Variants in MAGEB5 observed in about 807,000 individuals in gnomAD.
The protein encoded by MAGEB5 is melanoma-associated antigen B5.
For missense variants in MAGEB5, 189 were observed against 197.1 expected (o/e 0.96, Z 0.25); for synonymous variants, 70 against 75.0 (o/e 0.93, Z 0.34).
chrX:26,218,063 C>T lies in MAGEB5; in HGVS notation c.762C>T (p.Asn254=). Residue 254 remains asparagine (N), a synonymous_variant, in exon 2 of 2, where the codon AAC becomes AAT. Coordinates refer to ENST00000602297, the MANE Select transcript of MAGEB5 (RefSeq NM_001271752.1). ...GCCCAAGCCAGAGATGCAGCCGAAA[C>T]TGGCACTACTGCAGTGGCCAAGACT... ...EESPSQRCSR[N]WHYCSGQDCL... is the part of the protein sequence containing the mutation. The T allele has an allele frequency of 8.6e-7, 1 of 1,169,301 alleles. No homozygotes were observed. The highest frequency in any genetic ancestry group is 3.2e-5 in the East Asian group (1 of 30,939).
chrX:26,217,684 C>T lies in MAGEB5; in HGVS notation c.383C>T (p.Pro128Leu), dbSNP rs1569260795. Residue 128 changes from proline (P) to leucine (L), a missense_variant, in exon 2 of 2, where the codon CCC (proline) becomes CTC (leucine). Physicochemically the swap from Pro to Leu is moderately conservative, Grantham distance 98. Coordinates refer to ENST00000602297, the MANE Select transcript of MAGEB5 (RefSeq NM_001271752.1). ...NGRIHVGKVLPKTGLLMTFLV... is the reference protein window; with the variant it reads ...NGRIHVGKVLLKTGLLMTFLV... ...AGGATTCATGTTGGCAAAGTGTTAC[C>T]CAAGACTGGTCTCCTCATGACTTTC... The T allele has an allele frequency of 1.7e-6, 2 of 1,166,176 alleles. No individual in the cohort carries two copies. Among genetic ancestry groups the T allele is most frequent in the East Asian group, 6.5e-5 (2 of 30,751 alleles).
Position 26,218,000 on chromosome X carries a change from A to T in MAGEB5, c.699A>T (p.Ser233=). 1 of 1,192,327 alleles carries T rather than the reference A, an allele frequency of 8.4e-7. No homozygotes were observed. Among genetic ancestry groups the T allele is most frequent in the Non-Finnish European group, 1.1e-6 (1 of 885,383 alleles). ...KVNDIAPGAF[S]SQYEEALQDE... ...ATGATATTGCTCCAGGTGCCTTCTC[A>T]TCACAATATGAAGAGGCTTTGCAAG... Residue 233 remains serine (S), a synonymous_variant, in exon 2 of 2, where the codon TCA becomes TCT. Transcript: ENST00000602297.
intron 1 of MAGEB5, among the ~76,000 whole-genome samples, chrX:26,216,877 G>C (rs759001790): frequency 8.9e-6 from 1 of 112,465 alleles, no homozygotes; most frequent in Non-Finnish European, 1.9e-5. Context: ...TCCTCCAAAG[G>C]TTTCCCAAGG....
rs1401696762 is a variant in MAGEB5 at position 26,218,182 on chromosome X, T to A, written c.*53T>A. 1.2e-6 allele frequency: 1 copy of A among 815,341 alleles called. No individual in the cohort carries two copies. The highest frequency in any genetic ancestry group is 1.6e-6 in the Non-Finnish European group (1 of 610,095). The allele number at this position is 815,341 out of a possible 1,213,427, so 67.2% of individuals were successfully genotyped here. A position where few individuals can be genotyped will look rare whatever the true frequency, so the allele number is the denominator to read the frequency against. ...GCAAATATAACATCACCAAAAGGGA[T>A]TTTTTTTGGAAATACAAAAGAACCC... On this transcript the variant is annotated 3_prime_UTR_variant, in exon 2 of 2. Coordinates refer to ENST00000602297, the MANE Select transcript of MAGEB5 (RefSeq NM_001271752.1).
Position 26,218,170 on chromosome X carries a change from C to T in MAGEB5, c.*41C>T. The T allele has an allele frequency of 2.2e-6, 2 of 903,909 alleles. No individual in the cohort carries two copies. Among genetic ancestry groups the T allele is most frequent in the African/African-American group, 4.0e-5 (2 of 50,064 alleles). The allele number at this position is 903,909 out of a possible 1,213,427, so 74.5% of individuals were successfully genotyped here. ...TCATCCAGTCAAGCAAATATAACAT[C>T]ACCAAAAGGGATTTTTTTTGGAAAT... On this transcript the variant is annotated 3_prime_UTR_variant, in exon 2 of 2. Coordinates refer to ENST00000602297, the MANE Select transcript of MAGEB5 (RefSeq NM_001271752.1).
Position 26,217,493 on chromosome X carries a change from A to G in MAGEB5, c.192A>G (p.Glu64=). 1 of 1,166,138 alleles carries G rather than the reference A, an allele frequency of 8.6e-7. No individual in the cohort carries two copies. The highest frequency in any genetic ancestry group is 1.1e-6 in the Non-Finnish European group (1 of 872,787). The change falls in exon 2 of 2, where the codon GAA becomes GAG. Residue 64 remains glutamate (E), a synonymous_variant. Coordinates refer to ENST00000602297, the MANE Select transcript of MAGEB5 (RefSeq NM_001271752.1). Reference sequence around the variant, plus strand: ...AAATGAAACAGCGTATTTTGAAGGAAGATATGCTGAAGATTGTCAACCCAA... The same window carrying G: ...AAATGAAACAGCGTATTTTGAAGGAGGATATGCTGAAGATTGTCAACCCAA... ...KFKMKQRILK[E]DMLKIVNPRY... is the part of the protein sequence containing the mutation.
At position 26,217,325 on chromosome X, in the gene MAGEB5, T is replaced by A; in HGVS notation, c.24T>A (p.Asn8Lys). 2 of 1,152,094 alleles carry A rather than the reference T, an allele frequency of 1.7e-6. No homozygotes were observed. Among genetic ancestry groups the A allele is most frequent in the South Asian group, 4.0e-5 (2 of 49,577 alleles). The allele number at this position is 1,152,094 out of a possible 1,213,427, so 94.9% of individuals were successfully genotyped here. ...CCATGACTTCTGCAGGTGTTTTTAATGCAGGATCTGACGAAAGGGCTAACA... is the reference window on the plus strand; with the variant it reads ...CCATGACTTCTGCAGGTGTTTTTAAAGCAGGATCTGACGAAAGGGCTAACA... Reference protein sequence around the residue: MTSAGVFNAGSDERANSR... With the variant: MTSAGVFKAGSDERANSR... The change falls in exon 2 of 2, where the codon AAT (asparagine) becomes AAA (lysine). Residue 8 changes from asparagine (N) to lysine (K), a missense_variant. Transcript: ENST00000602297.
rs1929475172 is a variant in MAGEB5, at chrX:26,217,962, T to C, written c.661T>C (p.Leu221=). The part of the protein sequence containing the change: ...ETSKMKVLEY[L]AKVNDIAPGA... ...CAGCAAGATGAAAGTCCTGGAATAT[T>C]TGGCCAAGGTCAATGATATTGCTCC... The change falls in exon 2 of 2, where the codon TTG becomes CTG. Residue 221 remains leucine, a synonymous_variant. Transcript: ENST00000602297. 6 of 1,204,098 alleles carry C rather than the reference T, an allele frequency of 5.0e-6. No homozygotes were observed. Among genetic ancestry groups the C allele is most frequent in the African/African-American group, 1.8e-5 (1 of 57,016 alleles).
chrX:26,218,270 C>T lies in MAGEB5; in HGVS notation c.*141C>T, dbSNP rs1361151936. On this transcript the variant is annotated 3_prime_UTR_variant, in exon 2 of 2. Transcript: ENST00000602297. ...AATAAAACATGATCTTGGTTTTCTT[C>T]ATTCCTTTCAGTCTTTTGTTTTATA... The T allele has an allele frequency of 7.4e-6, 3 of 407,552 alleles. No homozygotes were observed. The highest frequency in any genetic ancestry group is 1.2e-5 in the Non-Finnish European group (3 of 244,098). 33.6% of individuals were successfully genotyped at this position (407,552 alleles called of 1,213,427 possible).
At position 26,217,290 on chromosome X, in the gene MAGEB5, G is replaced by C; in HGVS notation, c.-12G>C. 3.6e-6 allele frequency: 4 copies of C among 1,121,031 alleles called. No individual in the cohort carries two copies. The highest frequency in any genetic ancestry group is 4.7e-6 in the Non-Finnish European group (4 of 849,321). 92.4% of individuals were successfully genotyped at this position (1,121,031 alleles called of 1,213,427 possible). On this transcript the variant is annotated 5_prime_UTR_variant, in exon 2 of 2. Transcript: ENST00000602297. ...AAGTGGCACTTCCCAGGAGCCTTGC[G>C]AATCCAGCACCATGACTTCTGCAGG...
Position 26,217,725 on chromosome X carries a change from CT to C in MAGEB5, c.425del (p.Leu142ArgfsTer17), listed in dbSNP as rs1929470869. ...CATGACTTTCCTGGTTGTGATCTTCCTGAAAGGCAACTGTGCCAACAAGGAA... is the reference window on the plus strand; with the variant it reads ...CATGACTTTCCTGGTTGTGATCTTCCGAAAGGCAACTGTGCCAACAAGGAA... ...LLMTFLVVIF[L>X]KGNCANKEDT... On this transcript the variant is annotated frameshift_variant, in exon 2 of 2. Transcript: ENST00000602297. LOFTEE classifies it low-confidence loss of function (END_TRUNC). 1 of 1,165,481 alleles carries C rather than the reference CT, an allele frequency of 8.6e-7. No individual in the cohort carries two copies. Among genetic ancestry groups the C allele is most frequent in the Admixed American group, 2.6e-5 (1 of 38,488 alleles).
intron 1 of MAGEB5, among the ~76,000 whole-genome samples, 165 bp from the exon 2 acceptor site, chrX:26,216,920 G>A (rs1419250818): frequency 1.8e-5 from 2 of 112,189 alleles, no homozygotes; most frequent in African/African-American, 3.2e-5. Flanking sequence ...AATCCCAGTG[G>A]GTTCCTAGAG....
chrX:26,216,243 T>A (rs758065948), intron 1 of MAGEB5, 45 bp downstream of exon 1: 2 of 111,863 alleles, frequency 1.8e-5, no homozygotes, highest in East Asian at 5.7e-4. Flanking sequence ...ACGTTCCCCA[T>A]AGGGCATGTT....
In MAGEB5 at chrX:26,217,203, C is replaced by A; in HGVS notation, c.-99C>A. ...GGCCAGTGAATAAGTGGAAGATGAT[C>A]CCCTCCCCACTTCCTCTCCTATTCT... On this transcript the variant is annotated 5_prime_UTR_variant, in exon 2 of 2. Transcript: ENST00000602297. 1 of 567,877 alleles carries A rather than the reference C, an allele frequency of 1.8e-6. No homozygotes were observed. The highest frequency in any genetic ancestry group is 3.2e-5 in the South Asian group (1 of 31,021). The allele number at this position is 567,877 out of a possible 1,213,427, so 46.8% of individuals were successfully genotyped here.
chrX:26,218,207 C>A lies in MAGEB5; in HGVS notation c.*78C>A. The A allele has an allele frequency of 3.3e-6, 2 of 600,722 alleles. No homozygotes were observed. Among genetic ancestry groups the A allele is most frequent in the Non-Finnish European group, 4.9e-6 (2 of 411,529 alleles). The allele number at this position is 600,722 out of a possible 1,213,427, so 49.5% of individuals were successfully genotyped here. A position where few individuals can be genotyped will look rare whatever the true frequency, so the allele number is the denominator to read the frequency against. On this transcript the variant is annotated 3_prime_UTR_variant, in exon 2 of 2. Coordinates refer to ENST00000602297, the MANE Select transcript of MAGEB5 (RefSeq NM_001271752.1). ...TTTTTTTTGGAAATACAAAAGAACC[C>A]CCAGTAAAATAATTGAGATAATGAA...
rs774405128 is a variant in MAGEB5 at position 26,218,077 on chromosome X, G to C, written c.776G>C (p.Ser259Thr). The C allele has an allele frequency of 1.6e-5, 19 of 1,165,960 alleles. No individual in the cohort carries two copies. The highest frequency in any genetic ancestry group is 2.2e-5 in the Non-Finnish European group (19 of 873,089). The change falls in exon 2 of 2, where the codon AGT becomes ACT. Residue 259 changes from serine to threonine, a missense_variant. By Grantham distance (58) the Ser-to-Thr change is moderately conservative (BLOSUM62 1). Transcript: ENST00000602297. The stretch of plus-strand genomic sequence containing the variant: ...TGCAGCCGAAACTGGCACTACTGCA[G>C]TGGCCAAGACTGTCTCAGGGCGAAG... ...QRCSRNWHYC[S>T]GQDCLRAKFS...
rs749365221 is a variant in MAGEB5, at chrX:26,217,428, A to G, written c.127A>G (p.Lys43Glu). Reference protein sequence around the residue: ...ESSCSNFINIKVGLLEQFLLY... With the variant: ...ESSCSNFINIEVGLLEQFLLY... ...TTCATGCAGCAATTTCATAAATATT[A>G]AGGTGGGTTTGTTGGAGCAGTTCCT... is the stretch of plus-strand genomic sequence containing the variant. The change falls in exon 2 of 2, where the codon AAG becomes GAG. Residue 43 changes from lysine (K) to glutamate (E), a missense_variant. Transcript: ENST00000602297. 26 of 1,165,471 alleles carry G rather than the reference A, an allele frequency of 2.2e-5. No homozygotes were observed. The South Asian group carries it at 4.6e-4, about 20-fold the overall frequency.
At position 26,218,006 on chromosome X, in the gene MAGEB5, A is replaced by G. The variant is rs1159292344; in HGVS notation, c.705A>G (p.Gln235=). 1.7e-6 allele frequency: 2 copies of G among 1,187,607 alleles called. No homozygotes were observed. The highest frequency in any genetic ancestry group is 2.3e-6 in the Non-Finnish European group (2 of 883,616). Residue 235 remains glutamine, a synonymous_variant, in exon 2 of 2, where the codon CAA becomes CAG. Coordinates refer to ENST00000602297, the MANE Select transcript of MAGEB5 (RefSeq NM_001271752.1). ...TTGCTCCAGGTGCCTTCTCATCACA[A>G]TATGAAGAGGCTTTGCAAGATGAGG... ...NDIAPGAFSS[Q]YEEALQDEEE...
rs775472466 is a variant in MAGEB5 at position 26,217,415 on chromosome X, T to C, written c.114T>C (p.Asn38=). The change falls in exon 2 of 2, where the codon AAT becomes AAC. Residue 38 remains asparagine, a synonymous_variant. Transcript: ENST00000602297. Reference sequence around the variant, plus strand: ...CCTCCACTGAGAGTTCATGCAGCAATTTCATAAATATTAAGGTGGGTTTGT... The same window carrying C: ...CCTCCACTGAGAGTTCATGCAGCAACTTCATAAATATTAAGGTGGGTTTGT... ...VSPSTESSCS[N]FINIKVGLLE... The C allele has an allele frequency of 1.5e-5, 18 of 1,165,380 alleles. No homozygotes were observed. In the African/African-American group the frequency reaches 2.9e-4, roughly 19 times the overall value.
Sources: gnomAD v4.1 joint callset for allele counts (sites outside exome capture counted in the v4.1 genomes callset) on GRCh38, gnomAD v4.1.1 for gene constraint, MANE v1.5 for transcripts, NCBI Gene and HGNC (gene_info 2026-07-23, HGNC 2026-07-21) for gene names.